The following IL20RA variants were observed in gnomAD, a reference collection of about 807,000 sequenced individuals.
IL20RA encodes interleukin 20 receptor subunit alpha.
A neutral mutation model predicts 36.5 loss-of-function variants in IL20RA; 29 were observed. That is an observed-to-expected ratio of 0.79 (90% CI 0.59 to 1.08). The LOEUF is 1.08. Ranked by LOEUF, IL20RA falls within the 50% of genes least tolerant of loss-of-function variation. IL20RA has a pLI of 0.00. For missense variants in IL20RA, 652 were observed against 668.4 expected (o/e 0.98, Z 0.27); for synonymous variants, 279 against 267.1 (o/e 1.04, Z -0.43).
chr6:137,005,187 G>A (rs1383498607), intron 5 of IL20RA, among the ~76,000 whole-genome samples: 1 of 152,066 alleles, frequency 6.6e-6, no homozygotes, highest in Non-Finnish European at 1.5e-5. Context: ...ACTTTTCCAC[G>A]CCACCTGTTT....
At chr6:137,017,178 C>T in intron 1 of IL20RA, 75 bp from the exon 2 acceptor site, 2 of 1,194,706 alleles carry the variant, frequency 1.7e-6, no homozygotes, top group Non-Finnish European at 2.4e-6. Context: ...CAGCTAGTCT[C>T]CAGAGATGGC....
chr6:137,008,534 A>G (rs890907603), intron 5 of IL20RA, 65 bp downstream of exon 5: 49 of 1,477,122 alleles, frequency 3.3e-5, no homozygotes, highest in Middle Eastern at 1.8e-4. Context: ...TGTCTAAACC[A>G]TCATACCGAC....
chr6:137,000,120 T>A lies in IL20RA; in HGVS notation c.*1438A>T, dbSNP rs1774974946. 1.3e-5 allele frequency: 2 copies of A among 152,230 alleles called. No homozygotes were observed. The highest frequency in any genetic ancestry group is 6.5e-5 in the Admixed American group (1 of 15,282). 9.4% of individuals were successfully genotyped at this position (152,230 alleles called of 1,614,324 possible). ...GATTGAGAATAACAGAACACTCTGA[T>A]TAATATAATTACTCCCTAAATTAAA... On this transcript the variant is annotated 3_prime_UTR_variant, in exon 7 of 7. Coordinates refer to ENST00000316649, the MANE Select transcript of IL20RA (RefSeq NM_014432.4).
intron 5 of IL20RA, among the ~76,000 whole-genome samples, chr6:137,006,816 C>T (rs1352106672): frequency 2.6e-5 from 4 of 151,960 alleles, no homozygotes; most frequent in African/African-American, 9.7e-5. Context: ...TTGACTTCCC[C>T]AGGCTCAGGT....
chr6:137,040,744 T>TA (rs1776663515), intron 1 of IL20RA, among the ~76,000 whole-genome samples: 1 of 152,140 alleles, frequency 6.6e-6, no homozygotes. Flanking sequence ...TGATGACCCT[T>TA]CCTTGTAATA....
At chr6:137,038,008 T>G (rs1776547311) in intron 1 of IL20RA, 1 of 151,850 alleles carries the variant, frequency 6.6e-6, no homozygotes, top group Non-Finnish European at 1.5e-5. Flanking sequence ...TGATGAGAGG[T>G]GCTCACACAG....
At chr6:137,009,965 C>T (rs1167297399) in intron 3 of IL20RA, among the ~76,000 whole-genome samples, 1 of 152,138 alleles carries the variant, frequency 6.6e-6, no homozygotes, top group Non-Finnish European at 1.5e-5. Context: ...TGAGATATGC[C>T]AGATCTTGAA....
intron 1 of IL20RA, among the ~76,000 whole-genome samples, chr6:137,019,622 T>A (rs1020759450): frequency 2.0e-5 from 3 of 152,226 alleles, no homozygotes; most frequent in Non-Finnish European, 4.4e-5. Flanking sequence ...TACTCTGGAA[T>A]GTTCTGTCAA....
intron 1 of IL20RA, among the ~76,000 whole-genome samples, chr6:137,028,843 C>T (rs1322027555): frequency 2.5e-5 from 2 of 80,510 alleles, no homozygotes; most frequent in African/African-American, 6.5e-5. Flanking sequence ...TCAGAAGTAG[C>T]TTAGAAACAT....
At chr6:137,022,887 G>A (rs577498974) in intron 1 of IL20RA, among the ~76,000 whole-genome samples, 54 of 152,342 alleles carry the variant, frequency 3.5e-4, no homozygotes, top group African/African-American at 1.3e-3. Context: ...GGAGTTGGAA[G>A]AAGCAAGGAA....
chr6:137,019,564 T>G (rs1338796661), intron 1 of IL20RA, among the ~76,000 whole-genome samples: 1 of 152,148 alleles, frequency 6.6e-6, no homozygotes, highest in Non-Finnish European at 1.5e-5. Context: ...GTTTTTTTGG[T>G]TGCTGTCATA....
Position 137,009,483 on chromosome 6 carries a change from C to T in IL20RA, c.413G>A (p.Gly138Asp), listed in dbSNP as rs754378765. 1 of 1,605,526 alleles carries T rather than the reference C, an allele frequency of 6.2e-7. No homozygotes were observed. Among genetic ancestry groups the T allele is most frequent in the Non-Finnish European group, 8.5e-7 (1 of 1,172,658 alleles). Reference protein sequence around the residue: ...RFYPFLETQIGPPEVALTTDE... With the variant: ...RFYPFLETQIDPPEVALTTDE... ...TGTAGTCAGTGCCACCTCTGGTGGG[C>T]CAATTTGTGCTTAAAGGGGGAGAAA... The change falls in exon 4 of 7, where the codon GGC (glycine) becomes GAC (aspartate). Residue 138 changes from glycine to aspartate, a missense_variant. Physicochemically the swap from Gly to Asp is moderately conservative, Grantham distance 94 (BLOSUM62 -1). Coordinates refer to ENST00000316649, the MANE Select transcript of IL20RA (RefSeq NM_014432.4).
At chr6:137,010,329 A>G (rs1339688883) in intron 3 of IL20RA, among the ~76,000 whole-genome samples, 5 of 152,276 alleles carry the variant, frequency 3.3e-5, no homozygotes, top group Non-Finnish European at 7.3e-5. Flanking sequence ...CTGTGTAAAC[A>G]AATGAGTGTG....
In IL20RA at chr6:137,021,045, C is replaced by CT. The variant is rs59206489; in HGVS notation, c.89-3943dup. On this transcript the variant is annotated intron_variant, in intron 1 of 6. Transcript: ENST00000316649. The stretch of plus-strand genomic sequence containing the variant: ...TGACATGGTCTGCTGGTTTTGAAAC[C>CT]TTTTTTTTTTTTTTAAATCAGAACA... 1.2e-3 allele frequency among the ~76,000 whole-genome samples: 181 copies of CT among 146,794 alleles called. 3 individuals carry two copies. The East Asian group carries it at 0.027, about 22-fold the overall frequency.
At chr6:137,044,404 G>C in intron 1 of IL20RA, 1 of 996,104 alleles carries the variant, frequency 1.0e-6, no homozygotes, top group Non-Finnish European at 1.3e-6. Context: ...AGTGCGGAGC[G>C]CGGAGTCCTG....
chr6:137,027,425 AC>A (rs1235129320), intron 1 of IL20RA, among the ~76,000 whole-genome samples: 2 of 152,192 alleles, frequency 1.3e-5, no homozygotes, highest in Non-Finnish European at 2.9e-5. Context: ...GGTACTGCCA[AC>A]TGCCCTAACC....
rs1350143065 is a variant in IL20RA, at chr6:137,001,235, T to C, written c.*323A>G. 4.8e-6 allele frequency: 1 copy of C among 209,762 alleles called. No homozygotes were observed. Among genetic ancestry groups the C allele is most frequent in the East Asian group, 1.1e-4 (1 of 9,236 alleles). The allele number at this position is 209,762 out of a possible 1,614,324, so 13.0% of individuals were successfully genotyped here. On this transcript the variant is annotated 3_prime_UTR_variant, in exon 7 of 7. Transcript: ENST00000316649. ...AAAATAATTGTACAAGTGTGCTTGT[T>C]TGAAAATAATGAACCAAGAGGCCAG... is the stretch of plus-strand genomic sequence containing the variant.
intron 1 of IL20RA, among the ~76,000 whole-genome samples, chr6:137,031,677 T>C (rs1008026403): frequency 4.6e-5 from 7 of 152,218 alleles, no homozygotes; most frequent in African/African-American, 1.4e-4. Flanking sequence ...ATCCCCATCA[T>C]CAAGTGATGC....
At chr6:137,016,392 A>G (rs531782669) in intron 2 of IL20RA, among the ~76,000 whole-genome samples, 1 of 152,116 alleles carries the variant, frequency 6.6e-6, no homozygotes, top group Admixed American at 6.5e-5. Context: ...AGGTGTAGGT[A>G]GGTTTGCCTT....
Sources: allele counts gnomAD v4.1 joint callset (sites outside exome capture counted in the v4.1 genomes callset), GRCh38; gene constraint gnomAD v4.1.1; transcripts MANE v1.5; gene names NCBI Gene and HGNC (gene_info 2026-07-23, HGNC 2026-07-21).